The following RFX3 variants were observed in gnomAD, a reference collection of about 807,000 sequenced individuals.
The protein encoded by RFX3 is transcription factor RFX3.
A neutral mutation model predicts 98.6 loss-of-function variants in RFX3; 14 were observed. The ratio of observed to expected loss-of-function variants is 0.14; its 90% confidence interval spans 0.09 to 0.22. The LOEUF is 0.22. Among genes scored for constraint, RFX3 ranks in the 10% least tolerant of loss-of-function variants. The pLI, the probability that RFX3 is intolerant of heterozygous loss-of-function variation, is 1.00. For synonymous variants in RFX3, 383 were observed against 328.4 expected (o/e 1.17, Z -1.80); for missense variants, 639 against 926.9 (o/e 0.69, Z 4.03).
intron 1 of RFX3, among the ~76,000 whole-genome samples, chr9:3,502,518 A>G (rs374460014): frequency 4.6e-5 from 7 of 152,322 alleles, no homozygotes; most frequent in African/African-American, 1.4e-4. Context: ...CATAAAAGCC[A>G]TCTTAATAAA....
intron 1 of RFX3, among the ~76,000 whole-genome samples, chr9:3,398,935 A>AAT (rs1841197943): frequency 2.0e-5 from 3 of 149,994 alleles, no homozygotes; most frequent in African/African-American, 7.3e-5. Context: ...AAAAAAAAAA[A>AAT]AAAAAATTAA....
intron 1 of RFX3, among the ~76,000 whole-genome samples, chr9:3,422,162 A>G (rs528513964): frequency 6.6e-6 from 1 of 152,178 alleles, no homozygotes; most frequent in Non-Finnish European, 1.5e-5. Context: ...CCTCACGTGA[A>G]AACTCTTCAG....
intron 2 of RFX3, among the ~76,000 whole-genome samples, chr9:3,381,470 A>G (rs1193316694): frequency 6.6e-6 from 1 of 152,104 alleles, no homozygotes; most frequent in Non-Finnish European, 1.5e-5. Flanking sequence ...CAACATACAG[A>G]TTTTTTAGAT....
At chr9:3,514,960 G>A (rs914297410) in intron 1 of RFX3, among the ~76,000 whole-genome samples, 1 of 151,982 alleles carries the variant, frequency 6.6e-6, no homozygotes, top group Non-Finnish European at 1.5e-5. Flanking sequence ...AAACTGACAC[G>A]TCATCAAAAT....
intron 1 of RFX3, among the ~76,000 whole-genome samples, chr9:3,466,373 T>A (rs1293610828): frequency 1.3e-5 from 2 of 152,144 alleles, no homozygotes; most frequent in African/African-American, 4.8e-5. Context: ...CTTTTCATTT[T>A]CTCAAGCAAA....
chr9:3,507,448 A>C (rs1319431362), intron 1 of RFX3, among the ~76,000 whole-genome samples: 2 of 152,042 alleles, frequency 1.3e-5, no homozygotes, highest in East Asian at 3.9e-4. Context: ...CAATCTTTTC[A>C]GGTTGATTTT....
At chr9:3,429,533 T>C (rs532506639) in intron 1 of RFX3, among the ~76,000 whole-genome samples, 6 of 152,088 alleles carry the variant, frequency 3.9e-5, no homozygotes, top group African/African-American at 1.4e-4. Flanking sequence ...CACTGTCTGA[T>C]TGTAGGATGT....
At chr9:3,225,629 G>A (rs1244809777) in intron 16 of RFX3, among the ~76,000 whole-genome samples, 1 of 152,116 alleles carries the variant, frequency 6.6e-6, no homozygotes, top group Non-Finnish European at 1.5e-5. Context: ...GGTATGTTAT[G>A]CTGGCTTTTG....
At chr9:3,476,014 C>T (rs376037776) in intron 1 of RFX3, among the ~76,000 whole-genome samples, 3 of 152,146 alleles carry the variant, frequency 2.0e-5, no homozygotes, top group African/African-American at 4.8e-5. Context: ...GCATGACAGA[C>T]GGCTCACACT....
rs1246633170 is a variant in RFX3, at chr9:3,224,557, G to C, written c.*485C>G. 1 of 161,202 alleles carries C rather than the reference G, an allele frequency of 6.2e-6. No individual in the cohort carries two copies. The highest frequency in any genetic ancestry group is 2.4e-5 in the African/African-American group (1 of 41,478). 10.0% of individuals were successfully genotyped at this position (161,202 alleles called of 1,614,324 possible). A position where few individuals can be genotyped will look rare whatever the true frequency, so the allele number is the denominator to read the frequency against. On this transcript the variant is annotated 3_prime_UTR_variant, in exon 17 of 17. Coordinates refer to ENST00000617270, the MANE Select transcript of RFX3 (RefSeq NM_001282116.2). ...TATCAAAATAGTGTCTTATGGTTCT[G>C]TCCAATGAAAAGCACCTTTCAAAAG...
intron 9 of RFX3, among the ~76,000 whole-genome samples, chr9:3,273,541 A>G (rs1294565560): frequency 6.6e-6 from 1 of 152,176 alleles, no homozygotes; most frequent in Non-Finnish European, 1.5e-5. Context: ...TCCAACTTAC[A>G]TTCTTAATAA....
At chr9:3,337,203 C>A (rs779158366) in intron 3 of RFX3, among the ~76,000 whole-genome samples, 5 of 151,902 alleles carry the variant, frequency 3.3e-5, no homozygotes, top group Non-Finnish European at 7.4e-5. Context: ...CTGAGATGGG[C>A]CATGTAAGAT....
At chr9:3,380,383 A>G (rs889776439) in intron 2 of RFX3, among the ~76,000 whole-genome samples, 1 of 152,166 alleles carries the variant, frequency 6.6e-6, no homozygotes, top group African/African-American at 2.4e-5. Context: ...CTCAGACATT[A>G]CCATTCTTTA....
chr9:3,344,925 A>C (rs1320823389), intron 3 of RFX3: 8 of 685,408 alleles, frequency 1.2e-5, no homozygotes, highest in Non-Finnish European at 1.9e-5. Flanking sequence ...CAGTGTGTCT[A>C]AAATATGTAA....
chr9:3,327,362 G>C (rs10971441), intron 4 of RFX3, among the ~76,000 whole-genome samples: 23,625 of 152,024 alleles, frequency 0.16, 2,039 homozygotes, highest in South Asian at 0.29. Context: ...TGTAAACTGA[G>C]AATCACAACC....
intron 1 of RFX3, among the ~76,000 whole-genome samples, chr9:3,486,065 C>G (rs965599988): frequency 7.6e-6 from 1 of 132,114 alleles, no homozygotes; most frequent in Non-Finnish European, 1.5e-5. Flanking sequence ...GCGGAGGTTG[C>G]AGTGAGCCGA....
intron 2 of RFX3, among the ~76,000 whole-genome samples, chr9:3,366,494 A>C (rs1837088513): frequency 6.6e-6 from 1 of 152,166 alleles, no homozygotes; most frequent in Non-Finnish European, 1.5e-5. Context: ...CTAAGTTTTC[A>C]TTTATACAGT....
chr9:3,442,081 T>C (rs1845654449), intron 1 of RFX3, among the ~76,000 whole-genome samples: 2 of 151,964 alleles, frequency 1.3e-5, no homozygotes, highest in African/African-American at 2.4e-5. Flanking sequence ...GCACCTGTAA[T>C]CCCAGCTACT....
chr9:3,406,894 CAAGAT>C (rs1157896204), intron 1 of RFX3, among the ~76,000 whole-genome samples: 1 of 151,886 alleles, frequency 6.6e-6, no homozygotes, highest in African/African-American at 2.4e-5. Flanking sequence ...AATAAAGAAA[CAAGAT>C]AAGGATTAAG....
Sources: allele counts gnomAD v4.1 joint callset (sites outside exome capture counted in the v4.1 genomes callset), GRCh38; gene constraint gnomAD v4.1.1; transcripts MANE v1.5; gene names NCBI Gene and HGNC (gene_info 2026-07-23, HGNC 2026-07-21).